ASTN2: variants seen among roughly 807,000 people sequenced by gnomAD.
The protein encoded by ASTN2 is astrotactin-2.
In ASTN2, 54 loss-of-function variants were observed where a neutral mutation model predicts 139.8. The ratio of observed to expected loss-of-function variants is 0.39; its 90% CI spans 0.31 to 0.48. ASTN2 has a LOEUF of 0.48. ASTN2 is among the 20% of genes least tolerant of loss of function. The pLI, the probability that ASTN2 is intolerant of heterozygous loss-of-function variation, is 0.95. For synonymous variants in ASTN2, 756 were observed against 719.5 expected, an observed-to-expected ratio of 1.05 and a Z score of -0.81; for missense variants, 1,565 against 1,725.1, an observed-to-expected ratio of 0.91 and a Z score of 1.64.
chr9:117,193,720 A>G (rs924741320), intron 3 of ASTN2, among the ~76,000 whole-genome samples: 2 of 152,162 alleles, frequency 1.3e-5, no homozygotes, highest in African/African-American at 2.4e-5. Context: ...CTATGTTTCA[A>G]AAATAATCCC....
intron 10 of ASTN2, among the ~76,000 whole-genome samples, chr9:116,934,694 C>G (rs577976631): frequency 1.3e-5 from 2 of 152,114 alleles, no homozygotes; most frequent in Non-Finnish European, 2.9e-5. Flanking sequence ...GTAATAAAAT[C>G]TGTACAACAA....
chr9:117,105,208 G>A (rs1021297224), intron 4 of ASTN2, among the ~76,000 whole-genome samples: 2 of 152,132 alleles, frequency 1.3e-5, no homozygotes, highest in African/African-American at 4.8e-5. Flanking sequence ...ACAGAATGCA[G>A]AGGAAGTGAC....
intron 10 of ASTN2, among the ~76,000 whole-genome samples, chr9:116,893,127 T>C (rs1033566562): frequency 2.6e-5 from 4 of 151,654 alleles, no homozygotes; most frequent in African/African-American, 7.3e-5. Context: ...GTTTTACTCA[T>C]TGAAGTGTTG....
chr9:116,817,975 T>C (rs1831378511), intron 12 of ASTN2, among the ~76,000 whole-genome samples: 1 of 152,068 alleles, frequency 6.6e-6, no homozygotes, highest in African/African-American at 2.4e-5. Flanking sequence ...GGAACCACAA[T>C]ACCTAAGTTT....
intron 22 of ASTN2, among the ~76,000 whole-genome samples, chr9:116,433,931 G>A (rs1847570659): frequency 6.6e-6 from 1 of 152,130 alleles, no homozygotes; most frequent in African/African-American, 2.4e-5. Context: ...TAACAGAAAT[G>A]ACTGAGTCTC....
intron 19 of ASTN2, among the ~76,000 whole-genome samples, chr9:116,495,980 C>T (rs759047843): frequency 6.6e-6 from 1 of 152,128 alleles, no homozygotes; most frequent in East Asian, 1.9e-4. Context: ...AGGGCTTTTG[C>T]ACCTGTGGTT....
intron 13 of ASTN2, among the ~76,000 whole-genome samples, chr9:116,734,192 C>A (rs1031144451): frequency 1.3e-5 from 2 of 152,010 alleles, no homozygotes; most frequent in Non-Finnish European, 2.9e-5. Context: ...CTTCTGACTC[C>A]AGGTTAGTGC....
Position 116,827,993 on chromosome 9 carries a change from G to C in ASTN2, c.2041-7210C>G, listed in dbSNP as rs552761830. On this transcript the variant is annotated intron_variant, in intron 11 of 22. Coordinates refer to ENST00000313400, the MANE Select transcript of ASTN2 (RefSeq NM_001365068.1). ...TGATGAATATAGATGTTAGTATTTT[G>C]CTTAACAAAATACTAGCAAAAGGCC... Among the ~76,000 whole-genome samples the C allele has an allele frequency of 2.6e-5, 4 of 152,238 alleles. No homozygotes were observed. In the South Asian group the frequency reaches 6.2e-4, roughly 24 times the overall value.
chr9:117,113,302 C>G (rs1829294253), intron 4 of ASTN2, among the ~76,000 whole-genome samples: 1 of 152,144 alleles, frequency 6.6e-6, no homozygotes, highest in Non-Finnish European at 1.5e-5. Flanking sequence ...GCAGTTTTAT[C>G]CACAGTAGCA....
intron 3 of ASTN2, among the ~76,000 whole-genome samples, chr9:117,163,645 T>C (rs923673750): frequency 6.6e-6 from 1 of 152,110 alleles, no homozygotes; most frequent in Non-Finnish European, 1.5e-5. Flanking sequence ...GAATTTGACT[T>C]GAGTCTACAT....
Position 116,603,363 on chromosome 9 carries a change from T to C in ASTN2, c.3355+14961A>G, listed in dbSNP as rs140667242. ...TCAAAGAGTGGGATGTTAGAACTGA[T>C]GGCTTTTTATGGAACAATATCATGT... On this transcript the variant is annotated intron_variant, in intron 19 of 22. Transcript: ENST00000313400. 2.6e-3 allele frequency among the ~76,000 whole-genome samples: 403 copies of C among 152,304 alleles called. 5 individuals are homozygous for C. Among genetic ancestry groups the C allele is most frequent in the African/African-American group, 9.2e-3 (382 of 41,572 alleles).
intron 19 of ASTN2, among the ~76,000 whole-genome samples, chr9:116,575,050 T>G (rs1265210243): frequency 1.3e-5 from 2 of 152,306 alleles, no homozygotes; most frequent in African/African-American, 2.4e-5. Context: ...ACTTTTGTAC[T>G]TGCAATTAGA....
intron 10 of ASTN2, among the ~76,000 whole-genome samples, chr9:116,896,266 G>A (rs115830644): frequency 0.028 from 4,333 of 152,248 alleles, 224 homozygotes; most frequent in African/African-American, 0.099. Flanking sequence ...AAACAAGGGT[G>A]TATGTATTAG....
chr9:117,012,618 A>G (rs930103068), intron 6 of ASTN2, among the ~76,000 whole-genome samples: 1 of 152,196 alleles, frequency 6.6e-6, no homozygotes, highest in Non-Finnish European at 1.5e-5. Flanking sequence ...GTCTTTGGAT[A>G]TAAGGGAGAG....
chr9:117,317,363 G>T (rs1828176231), intron 1 of ASTN2, among the ~76,000 whole-genome samples: 1 of 152,140 alleles, frequency 6.6e-6, no homozygotes, highest in Non-Finnish European at 1.5e-5. Context: ...GACTAAAATG[G>T]AACTTAGGGG....
At chr9:116,444,299 T>C (rs1847923598) in intron 20 of ASTN2, among the ~76,000 whole-genome samples, 1 of 152,230 alleles carries the variant, frequency 6.6e-6, no homozygotes, top group African/African-American at 2.4e-5. Context: ...TAGCCACACT[T>C]GCTGAACCCC....
At chr9:117,411,836 T>C (rs1261339275) in intron 1 of ASTN2, among the ~76,000 whole-genome samples, 1 of 152,298 alleles carries the variant, frequency 6.6e-6, no homozygotes, top group South Asian at 2.1e-4. Flanking sequence ...TCCCCTGAAC[T>C]GATAAGCTGA....
chr9:116,828,045 C>T (rs1209453133), intron 11 of ASTN2, among the ~76,000 whole-genome samples: 1 of 152,118 alleles, frequency 6.6e-6, no homozygotes, highest in East Asian at 1.9e-4. Flanking sequence ...GCCTGTAAGC[C>T]CAGCACTTTG....
intron 3 of ASTN2, among the ~76,000 whole-genome samples, chr9:117,169,672 A>C (rs1830746043): frequency 6.8e-6 from 1 of 147,168 alleles, no homozygotes; most frequent in Non-Finnish European, 1.5e-5. Context: ...GGCAAAACTC[A>C]TGTTAACGAA....
Sources: allele counts gnomAD v4.1 joint callset (sites outside exome capture counted in the v4.1 genomes callset), GRCh38; gene constraint gnomAD v4.1.1; transcripts MANE v1.5; gene names NCBI Gene and HGNC (gene_info 2026-07-23, HGNC 2026-07-21).